Variants in B3GALT1 observed in about 807,000 individuals in gnomAD.
B3GALT1 encodes the protein beta-1,3-galactosyltransferase 1.
A neutral mutation model predicts 23.2 loss-of-function variants in B3GALT1; 10 were observed. The observed-to-expected ratio is 0.43, with a 90% confidence interval of 0.27 to 0.73. The LOEUF is 0.73. Among genes scored for constraint, B3GALT1 ranks in the 30% least tolerant of loss-of-function variants. The pLI is 0.21. For missense variants in B3GALT1, 299 were observed against 405.4 expected, an observed-to-expected ratio of 0.74 and a Z score of 2.25; for synonymous variants, 156 against 141.5, an observed-to-expected ratio of 1.10 and a Z score of -0.73.
chr2:167,833,917 C>CT lies in B3GALT1; in HGVS notation c.-230+15125dup, dbSNP rs1230944064. 2.0e-5 allele frequency among the ~76,000 whole-genome samples: 3 copies of CT among 152,208 alleles called. No individual in the cohort carries two copies. In the East Asian group the frequency reaches 5.8e-4, roughly 29 times the overall value. On this transcript the variant is annotated intron_variant, in intron 4 of 4. Transcript: ENST00000392690. ...AGTAGATAATTTTCCTAAATTATCT[C>CT]TAAGACTACTTCCAACGCTGAAATT...
chr2:167,376,915 C>G (rs1013115455), intron 1 of B3GALT1, among the ~76,000 whole-genome samples: 7 of 151,914 alleles, frequency 4.6e-5, no homozygotes, highest in African/African-American at 1.7e-4. Flanking sequence ...TTTGTAGTCC[C>G]TCTAGATGTG....
intron 2 of B3GALT1, among the ~76,000 whole-genome samples, chr2:167,603,295 C>T (rs373815072): frequency 1.3e-5 from 2 of 152,082 alleles, no homozygotes; most frequent in Non-Finnish European, 2.9e-5. Flanking sequence ...AGGACCCAGG[C>T]GCAAGAGTCA....
At chr2:167,437,214 A>G (rs1259769832) in intron 1 of B3GALT1, among the ~76,000 whole-genome samples, 5 of 152,166 alleles carry the variant, frequency 3.3e-5, no homozygotes, top group Admixed American at 3.3e-4. Flanking sequence ...TGGTAGGGTA[A>G]GTGTGTGTTG....
chr2:167,545,641 C>G (rs1683624504), intron 2 of B3GALT1, among the ~76,000 whole-genome samples: 1 of 152,150 alleles, frequency 6.6e-6, no homozygotes, highest in Non-Finnish European at 1.5e-5. Flanking sequence ...ACTGCCCTCA[C>G]TTCAGACACC....
intron 4 of B3GALT1, among the ~76,000 whole-genome samples, chr2:167,843,875 A>C (rs1689702609): frequency 6.6e-6 from 1 of 152,210 alleles, no homozygotes; most frequent in African/African-American, 2.4e-5. Context: ...ACAGCAGATC[A>C]TTGTTAGTGC....
chr2:167,490,438 A>G (rs943522485), intron 2 of B3GALT1, among the ~76,000 whole-genome samples, 161 bp downstream of exon 2: 2 of 152,270 alleles, frequency 1.3e-5, no homozygotes, highest in Non-Finnish European at 2.9e-5. Context: ...ATGATCAGAA[A>G]TAATTCCTCA....
At chr2:167,647,964 A>G (rs538126102) in intron 3 of B3GALT1, among the ~76,000 whole-genome samples, 4 of 152,292 alleles carry the variant, frequency 2.6e-5, no homozygotes, top group East Asian at 3.9e-4. Context: ...TCTAAAATGT[A>G]CAATTATCTA....
intron 1 of B3GALT1, among the ~76,000 whole-genome samples, chr2:167,321,636 G>A (rs1435021555): frequency 2.0e-5 from 3 of 151,954 alleles, no homozygotes. Flanking sequence ...CTCTCTACTT[G>A]TGCTGTCAAG....
chr2:167,528,526 C>A (rs1683260872), intron 2 of B3GALT1, among the ~76,000 whole-genome samples: 1 of 152,098 alleles, frequency 6.6e-6, no homozygotes, highest in South Asian at 2.1e-4. Flanking sequence ...AGTGTATAGT[C>A]CATAGCCAGA....
At chr2:167,685,240 G>A (rs538000059) in intron 3 of B3GALT1, among the ~76,000 whole-genome samples, 1 of 152,126 alleles carries the variant, frequency 6.6e-6, no homozygotes, top group Non-Finnish European at 1.5e-5. Context: ...CACTTGGCAT[G>A]GTTCTAAAAG....
chr2:167,383,740 A>G (rs938943487), intron 1 of B3GALT1, among the ~76,000 whole-genome samples: 1 of 152,202 alleles, frequency 6.6e-6, no homozygotes, highest in Non-Finnish European at 1.5e-5. Context: ...AACTGTTCAC[A>G]GTTCCCCTCT....
Position 167,829,801 on chromosome 2 carries a change from G to A in B3GALT1, c.-230+11008G>A, listed in dbSNP as rs149518364. On this transcript the variant is annotated intron_variant, in intron 4 of 4. Transcript: ENST00000392690. ...GGGAGAATAGTCCTCTGAGATGCGC[G>A]GAGAATGGGGTGGGAAGTTATGTGA... 6.7e-3 allele frequency among the ~76,000 whole-genome samples: 1,023 copies of A among 152,216 alleles called. 3 individuals carry two copies. Among genetic ancestry groups the A allele is most frequent in the Non-Finnish European group, 0.01 (702 of 68,006 alleles).
chr2:167,375,339 A>G (rs1697746591), intron 1 of B3GALT1, among the ~76,000 whole-genome samples: 1 of 152,092 alleles, frequency 6.6e-6, no homozygotes, highest in African/African-American at 2.4e-5. Context: ...TTAGTTCCAT[A>G]TGAATTTTAG....
intron 2 of B3GALT1, among the ~76,000 whole-genome samples, chr2:167,609,310 A>G (rs1049166665): frequency 2.0e-5 from 3 of 152,194 alleles, no homozygotes; most frequent in African/African-American, 7.2e-5. Context: ...GTCTTTACCC[A>G]TGTGACCACT....
At chr2:167,504,235 G>A (rs1559116033) in intron 2 of B3GALT1, among the ~76,000 whole-genome samples, 1 of 152,052 alleles carries the variant, frequency 6.6e-6, no homozygotes, top group East Asian at 1.9e-4. Context: ...TTATTTAGTT[G>A]GCCTTGTTTA....
At chr2:167,773,941 T>G (rs1167059198) in intron 3 of B3GALT1, among the ~76,000 whole-genome samples, 1 of 152,218 alleles carries the variant, frequency 6.6e-6, no homozygotes, top group African/African-American at 2.4e-5. Flanking sequence ...GTGAGCTAAT[T>G]GAAAGGTTAA....
At chr2:167,297,606 T>A (rs999731240) in intron 1 of B3GALT1, among the ~76,000 whole-genome samples, 4 of 152,146 alleles carry the variant, frequency 2.6e-5, no homozygotes, top group African/African-American at 9.6e-5. Flanking sequence ...CAGGTTCTAT[T>A]CTTTTATGCA....
chr2:167,633,684 A>C (rs1016231945), intron 2 of B3GALT1, among the ~76,000 whole-genome samples: 1 of 152,080 alleles, frequency 6.6e-6, no homozygotes, highest in African/African-American at 2.4e-5. Flanking sequence ...AGATTCATAA[A>C]GCAAGTTCTT....
chr2:167,642,660 C>G (rs1368866258), intron 2 of B3GALT1, among the ~76,000 whole-genome samples: 1 of 152,150 alleles, frequency 6.6e-6, no homozygotes, highest in Non-Finnish European at 1.5e-5. Flanking sequence ...TATACTCACT[C>G]AGGAGAGGAG....
Sources: gnomAD v4.1 joint callset for allele counts (sites outside exome capture counted in the v4.1 genomes callset) on GRCh38, gnomAD v4.1.1 for gene constraint, MANE v1.5 for transcripts, NCBI Gene and HGNC (gene_info 2026-07-23, HGNC 2026-07-21) for gene names.